Variants in SLC2A14 observed in about 807,000 individuals in gnomAD.
SLC2A14 encodes the protein solute carrier family 2 member 14.
Under a neutral mutation model 43.0 loss-of-function variants are expected in SLC2A14, and 13 were observed. The observed-to-expected ratio is 0.30, with a 90% confidence interval of 0.20 to 0.48. The LOEUF (loss-of-function observed/expected upper bound fraction) is 0.48. Among genes scored for constraint, SLC2A14 ranks in the 20% least tolerant of loss-of-function variants. SLC2A14 has a pLI of 0.99. For synonymous variants in SLC2A14, 190 were observed against 233.8 expected (o/e 0.81, Z 1.71); for missense variants, 428 against 620.4 (o/e 0.69, Z 3.29).
chr12:7,828,997 T>C (rs1378111348), intron 5 of SLC2A14, 131 bp from the exon 6 acceptor site: 3 of 1,159,554 alleles, frequency 2.6e-6, no homozygotes, highest in Admixed American at 2.6e-5. Flanking sequence ...CTGAGGCAGG[T>C]GGATCAGGAG....
intron 4 of SLC2A14, 78 bp downstream of exon 4, chr12:7,831,526 C>T (rs1165864648): frequency 1.5e-5 from 23 of 1,574,598 alleles, no homozygotes; most frequent in Non-Finnish European, 2.0e-5. Flanking sequence ...GCATCATCAC[C>T]TCCCTGCCCT....
At position 7,852,045 on chromosome 12, in the gene SLC2A14, G is replaced by A. The variant is rs2120934574; in HGVS notation, c.18+17818C>T. Reference sequence around the variant, plus strand: ...TAGCCTCATTCCAAAATAGCTACATGTCTCACTAGGGGTCCTAAAAGATAA... The same window carrying A: ...TAGCCTCATTCCAAAATAGCTACATATCTCACTAGGGGTCCTAAAAGATAA... On this transcript the variant is annotated intron_variant, in intron 2 of 10. Coordinates refer to ENST00000431042, the MANE Select transcript of SLC2A14 (RefSeq NM_001286234.2). Among the ~76,000 whole-genome samples, 2 of 152,268 alleles carry A rather than the reference G, an allele frequency of 1.3e-5. 1 individual carries two copies. Among genetic ancestry groups the A allele is most frequent in the South Asian group, 4.1e-4 (2 of 4,824 alleles).
chr12:7,853,301 T>C (rs1173487971), intron 2 of SLC2A14, among the ~76,000 whole-genome samples: 1 of 151,820 alleles, frequency 6.6e-6, no homozygotes, highest in Non-Finnish European at 1.5e-5. Context: ...TAGCTAGGCA[T>C]GGTGGTGCGC....
intron 7 of SLC2A14, 67 bp downstream of exon 7, chr12:7,827,428 G>A (rs996553260): frequency 3.4e-5 from 53 of 1,547,898 alleles, no homozygotes; most frequent in Admixed American, 9.6e-5. Context: ...GAGGCACACC[G>A]CCACCATGCC....
chr12:7,826,538 T>C (rs749268526), intron 7 of SLC2A14, among the ~76,000 whole-genome samples: 13 of 152,270 alleles, frequency 8.5e-5, no homozygotes, highest in African/African-American at 2.9e-4. Flanking sequence ...GATCAAAGAC[T>C]AATGGAAAAC....
chr12:7,881,924 T>C (rs7960139), intron 1 of SLC2A14, among the ~76,000 whole-genome samples: 43,824 of 151,784 alleles, frequency 0.29, 6,406 homozygotes, highest in South Asian at 0.38. Flanking sequence ...CATGGATAAC[T>C]TTTGTGTCTA....
chr12:7,848,497 T>C (rs1419083289), intron 2 of SLC2A14, among the ~76,000 whole-genome samples: 2 of 152,044 alleles, frequency 1.3e-5, no homozygotes, highest in Non-Finnish European at 2.9e-5. Flanking sequence ...CCAGTCTCTA[T>C]TACCTAGTCA....
Position 7,883,565 on chromosome 12 carries a change from C to CTCTTTT in SLC2A14, c.132+7425_132+7430dup, listed in dbSNP as rs1209436951. On this transcript the variant is annotated intron_variant, in intron 1 of 9. Coordinates refer to the SLC2A14 transcript ENST00000539924. ...ACAGGCATGAGCCACCACGCCCGGCCTCTTTTTCTTTTTCTTTTTCTTTTC... is the reference window on the plus strand; with the variant it reads ...ACAGGCATGAGCCACCACGCCCGGCCTCTTTTTCTTTTTCTTTTTCTTTTTCTTTTC... Among the ~76,000 whole-genome samples the CTCTTTT allele has an allele frequency of 5.5e-5, 8 of 145,538 alleles. 1 individual carries two copies. The South Asian group carries it at 1.8e-3, about 32-fold the overall frequency.
At chr12:7,871,185 C>T in intron 1 of SLC2A14, 1 of 1,261,068 alleles carries the variant, frequency 7.9e-7, no homozygotes. Flanking sequence ...TCACCTGCTT[C>T]AACGAGGAAT....
intron 2 of SLC2A14, among the ~76,000 whole-genome samples, chr12:7,845,310 G>C (rs1306721884): frequency 2.6e-5 from 4 of 152,140 alleles, no homozygotes; most frequent in Non-Finnish European, 5.9e-5. Context: ...GTCTATTCAT[G>C]CTCCTCCATT....
chr12:7,816,832 C>T (rs930424806), intron 10 of SLC2A14, among the ~76,000 whole-genome samples: 27 of 151,868 alleles, frequency 1.8e-4, no homozygotes, highest in Admixed American at 3.9e-4. Flanking sequence ...CTCAGCCTCC[C>T]GAGTAGCTAG....
In SLC2A14 at chr12:7,886,341, AATTTATTTATTT is replaced by A. The variant is rs71038799; in HGVS notation, c.132+4643_132+4654del. Among the ~76,000 whole-genome samples, 996 of 140,816 alleles carry A rather than the reference AATTTATTTATTT, an allele frequency of 7.1e-3. 13 individuals carry two copies. Among genetic ancestry groups the A allele is most frequent in the African/African-American group, 0.017 (664 of 38,230 alleles). The allele number at this position is 140,816 out of a possible 152,430, so 92.4% of individuals were successfully genotyped here. ...CTCGCCCAGCTAATTAAATTTTTAA[AATTTATTTATTT>A]ATTTATTTATTTATTTATTTATTTA... On this transcript the variant is annotated intron_variant, in intron 1 of 9. Coordinates refer to the SLC2A14 transcript ENST00000539924.
At chr12:7,881,751 G>A (rs1231276001) in intron 1 of SLC2A14, among the ~76,000 whole-genome samples, 1 of 152,148 alleles carries the variant, frequency 6.6e-6, no homozygotes, top group African/African-American at 2.4e-5. Flanking sequence ...AGTCTAGTTG[G>A]AACTTGGAGA....
chr12:7,819,687 T>C, intron 8 of SLC2A14, 104 bp from the exon 9 acceptor site: 1 of 1,083,588 alleles, frequency 9.2e-7, no homozygotes, highest in Non-Finnish European at 1.3e-6. Flanking sequence ...TTGTTATGGA[T>C]ACCCCTCCTG....
At chr12:7,828,572 G>T in intron 6 of SLC2A14, 132 bp downstream of exon 6, 1 of 991,016 alleles carries the variant, frequency 1.0e-6, no homozygotes, top group Non-Finnish European at 1.5e-6. Context: ...ACAAAGTAGA[G>T]TAATCAGAAC....
intron 1 of SLC2A14, among the ~76,000 whole-genome samples, chr12:7,881,878 C>T (rs1945580505): frequency 6.6e-6 from 1 of 152,116 alleles, no homozygotes; most frequent in Non-Finnish European, 1.5e-5. Flanking sequence ...GTGAATGCAT[C>T]AATTGACACT....
chr12:7,841,420 C>T lies in SLC2A14; in HGVS notation c.19-8606G>A, dbSNP rs759480718. ...GGATTACAGGCACCCATCACCATGC[C>T]CGGCTAATTTTTGTATTTTTAGTAG... On this transcript the variant is annotated intron_variant, in intron 2 of 10. Transcript: ENST00000431042. Among the ~76,000 whole-genome samples, 400 of 152,098 alleles carry T rather than the reference C, an allele frequency of 2.6e-3. 1 individual carries two copies. The highest frequency in any genetic ancestry group is 8.0e-3 in the African/African-American group (332 of 41,500).
chr12:7,882,601 G>A (rs998234591), intron 1 of SLC2A14, among the ~76,000 whole-genome samples: 2 of 152,100 alleles, frequency 1.3e-5, no homozygotes, highest in Admixed American at 6.6e-5. Context: ...GGGAGGCTGA[G>A]GCAGGCACGT....
intron 2 of SLC2A14, among the ~76,000 whole-genome samples, chr12:7,859,552 A>T (rs1944432680): frequency 6.6e-6 from 1 of 152,138 alleles, no homozygotes; most frequent in African/African-American, 2.4e-5. Context: ...GGAAAACAAG[A>T]TGATTGGAAA....
Sources: allele counts gnomAD v4.1 joint callset (sites outside exome capture counted in the v4.1 genomes callset), GRCh38; gene constraint gnomAD v4.1.1; transcripts MANE v1.5; gene names NCBI Gene and HGNC (gene_info 2026-07-23, HGNC 2026-07-21).